The following TRPM1 variants were observed in gnomAD, a reference collection of about 807,000 sequenced individuals.
TRPM1 encodes TRPM1-203 APA Isoform, Intron 10.
Under a neutral mutation model 149.4 loss-of-function variants are expected in TRPM1, and 113 were observed. That is an observed-to-expected ratio of 0.76 (90% CI 0.65 to 0.88). The LOEUF (loss-of-function observed/expected upper bound fraction) is 0.88, where lower values mean the gene tolerates loss of function less well. TRPM1 is among the 40% of genes least tolerant of loss of function. TRPM1 has a pLI of 0.00. For missense variants in TRPM1, 1,976 were observed against 2,038.7 expected (o/e 0.97, Z 0.59); for synonymous variants, 741 against 759.5 (o/e 0.98, Z 0.40).
upstream of TRPM1, among the ~76,000 whole-genome samples, chr15:31,105,021 A>G (rs1009819457): frequency 1.3e-5 from 2 of 152,224 alleles, no homozygotes; most frequent in African/African-American, 4.8e-5. Flanking sequence ...AAAGGCAAGA[A>G]AAAGGTTTCC....
intron 27 of TRPM1, among the ~76,000 whole-genome samples, chr15:31,007,232 C>T (rs2032023047): frequency 6.6e-6 from 1 of 152,000 alleles, no homozygotes; most frequent in African/African-American, 2.4e-5. Context: ...GTCCTAACAC[C>T]ATTAGTTGAA....
chr15:31,071,976 A>C (rs1350548731), intron 3 of TRPM1, among the ~76,000 whole-genome samples: 18 of 86,148 alleles, frequency 2.1e-4, no homozygotes, highest in Admixed American at 7.8e-4. Flanking sequence ...AAAAAAAAAA[A>C]AAACATATAT....
At chr15:31,098,708 G>A (rs903732141) in intron 1 of TRPM1, among the ~76,000 whole-genome samples, 13 of 152,164 alleles carry the variant, frequency 8.5e-5, no homozygotes, top group African/African-American at 3.1e-4. Flanking sequence ...CACCTGCCAT[G>A]AGCGTTACCC....
chr15:31,154,189 C>A (rs557646523), intron 1 of TRPM1, among the ~76,000 whole-genome samples: 1 of 152,322 alleles, frequency 6.6e-6, no homozygotes, highest in Non-Finnish European at 1.5e-5. Context: ...TTTGGCAATT[C>A]ATTTTTATTG....
chr15:31,084,196 TA>T (rs566722293), intron 1 of TRPM1, among the ~76,000 whole-genome samples: 38 of 152,318 alleles, frequency 2.5e-4, no homozygotes, highest in African/African-American at 8.4e-4. Context: ...CTTTCTTTTT[TA>T]AAAATCGAGA....
At position 31,060,426 on chromosome 15, in the gene TRPM1, C is replaced by T. The variant is rs2034195929; in HGVS notation, c.1263+118G>A. 4.8e-6 allele frequency: 4 copies of T among 839,118 alleles called. No individual in the cohort carries two copies. In the Admixed American group the frequency reaches 8.0e-5, roughly 17 times the overall value. The allele number at this position is 839,118 out of a possible 1,614,324, so 52.0% of individuals were successfully genotyped here. ...CTAATGAGCCTAATAGATTACATAT[C>T]ATATCATCAGAAACCCCACATAATT... On this transcript the variant is annotated intron_variant, in intron 11 of 27. Coordinates refer to ENST00000256552, the MANE Select transcript of TRPM1 (RefSeq NM_001252024.2).
intron 27 of TRPM1, among the ~76,000 whole-genome samples, chr15:31,024,977 G>C (rs2032672636): frequency 6.6e-6 from 1 of 152,160 alleles, no homozygotes; most frequent in Non-Finnish European, 1.5e-5. Flanking sequence ...CCGAGGCCAG[G>C]GACCCACAGT....
Position 31,101,532 on chromosome 15 carries a change from A to G in TRPM1, c.-84+125T>C, listed in dbSNP as rs1011217423. The G allele has an allele frequency of 2.4e-5, 12 of 503,326 alleles. No homozygotes were observed. In the African/African-American group the frequency reaches 2.5e-4, roughly 11 times the overall value. The allele number at this position is 503,326 out of a possible 1,614,324, so 31.2% of individuals were successfully genotyped here. A position where few individuals can be genotyped will look rare whatever the true frequency, so the allele number is the denominator to read the frequency against. On this transcript the variant is annotated intron_variant, in intron 1 of 27. Coordinates refer to ENST00000256552, the MANE Select transcript of TRPM1 (RefSeq NM_001252024.2). ...AGCCTACCTGCACCTGAGGTTACCAACACCTGAGCTTAACTGCATCTGTGG... is the reference window on the plus strand; with the variant it reads ...AGCCTACCTGCACCTGAGGTTACCAGCACCTGAGCTTAACTGCATCTGTGG...
intron 1 of TRPM1, among the ~76,000 whole-genome samples, chr15:31,089,980 T>C (rs1244564735): frequency 6.6e-6 from 1 of 152,154 alleles, no homozygotes; most frequent in Admixed American, 6.5e-5. Flanking sequence ...TTTTCTTTGC[T>C]TAAAATTTAA....
intron 3 of TRPM1, among the ~76,000 whole-genome samples, chr15:31,071,980 CA>C (rs2034556231): frequency 5.2e-5 from 4 of 77,286 alleles, no homozygotes; most frequent in African/African-American, 2.5e-4. Context: ...AAAAAAAAAA[CA>C]TATATATATA....
chr15:31,112,930 A>G (rs1057165035), intron 1 of TRPM1, among the ~76,000 whole-genome samples: 5 of 152,176 alleles, frequency 3.3e-5, no homozygotes, highest in African/African-American at 9.7e-5. Flanking sequence ...ACCTCTTAAT[A>G]TTTCACATAA....
Position 31,076,838 on chromosome 15 carries a change from C to T in TRPM1, c.83+67G>A, listed in dbSNP as rs763155017. ...TCTGGACTCCTCTTTCTGCCTCTTA[C>T]AAACATGAGAATAGTGGCAGACAAG... On this transcript the variant is annotated intron_variant, in intron 3 of 27. Transcript: ENST00000256552. 6.2e-6 allele frequency: 8 copies of T among 1,288,718 alleles called. No homozygotes were observed. The African/African-American group carries it at 1.0e-4, about 17-fold the overall frequency. The allele number at this position is 1,288,718 out of a possible 1,614,324, so 79.8% of individuals were successfully genotyped here. A position where few individuals can be genotyped will look rare whatever the true frequency, so the allele number is the denominator to read the frequency against.
intron 9 of TRPM1, among the ~76,000 whole-genome samples, 172 bp downstream of exon 9, chr15:31,062,404 CGTT>C (rs1197005263): frequency 6.6e-6 from 1 of 152,132 alleles, no homozygotes; most frequent in Non-Finnish European, 1.5e-5. Flanking sequence ...TGTGTGGGCT[CGTT>C]CAGCTTCTGT....
rs1034081857 is a variant in TRPM1 at position 31,119,675 on chromosome 15, C to T, written c.54+41231G>A. Among the ~76,000 whole-genome samples the T allele has an allele frequency of 4.0e-5, 6 of 151,776 alleles. No homozygotes were observed. The South Asian group carries it at 8.3e-4, about 21-fold the overall frequency. On this transcript the variant is annotated intron_variant, in intron 1 of 26. Coordinates refer to the TRPM1 transcript ENST00000542188. Reference sequence around the variant, plus strand: ...AAAATAATAACAACAATGTATTTGGCGATTATAACATATATAAGGAAAATA... The same window carrying T: ...AAAATAATAACAACAATGTATTTGGTGATTATAACATATATAAGGAAAATA...
intron 10 of TRPM1, among the ~76,000 whole-genome samples, chr15:31,061,039 T>G (rs2034217437): frequency 6.6e-6 from 1 of 152,100 alleles, no homozygotes; most frequent in Non-Finnish European, 1.5e-5. Flanking sequence ...GGAGGAAGTG[T>G]GCATCCCAGA....
intron 21 of TRPM1, among the ~76,000 whole-genome samples, chr15:31,034,603 C>G (rs536199562): frequency 1.3e-5 from 2 of 152,372 alleles, no homozygotes; most frequent in South Asian, 4.1e-4. Context: ...TGAAGCCACA[C>G]CTCACTTAGC....
chr15:31,113,752 G>T (rs548375629), intron 1 of TRPM1, among the ~76,000 whole-genome samples: 2 of 152,214 alleles, frequency 1.3e-5, no homozygotes, highest in East Asian at 3.9e-4. Context: ...TGAAGCATGC[G>T]GACCTTCCCG....
At chr15:31,065,187 T>C (rs997441021) in intron 7 of TRPM1, 1 of 519,682 alleles carries the variant, frequency 1.9e-6, no homozygotes, top group Admixed American at 2.0e-5. Flanking sequence ...ATTAGAGATG[T>C]GAGAACAAAA....
At chr15:31,028,140 G>T (rs574118296) in intron 25 of TRPM1, among the ~76,000 whole-genome samples, 192 bp downstream of exon 25, 1 of 152,160 alleles carries the variant, frequency 6.6e-6, no homozygotes, top group Non-Finnish European at 1.5e-5. Context: ...GTATTTAAGT[G>T]TCAACTCTTG....
Sources: gnomAD v4.1 joint callset for allele counts (sites outside exome capture counted in the v4.1 genomes callset) on GRCh38, gnomAD v4.1.1 for gene constraint, MANE v1.5 for transcripts, NCBI Gene and HGNC (gene_info 2026-07-23, HGNC 2026-07-21) for gene names.